The following MED12L variants were observed in gnomAD, a reference collection of about 807,000 sequenced individuals.
MED12L encodes mediator of RNA polymerase II transcription subunit 12-like protein.
A neutral mutation model predicts 281.3 loss-of-function variants in MED12L; 60 were observed. That is an observed-to-expected ratio of 0.21 (90% CI 0.17 to 0.26). The LOEUF is 0.26. Ranked by LOEUF, MED12L falls within the 10% of genes least tolerant of loss-of-function variation. MED12L has a pLI of 1.00. For missense variants in MED12L, 2,146 were observed against 2,680.9 expected (o/e 0.80, Z 4.41); for synonymous variants, 974 against 987.2 (o/e 0.99, Z 0.25).
chr3:151,235,271 C>T (rs1405721865), intron 16 of MED12L, among the ~76,000 whole-genome samples: 1 of 152,178 alleles, frequency 6.6e-6, no homozygotes, highest in Non-Finnish European at 1.5e-5. Context: ...GATTTCTGGA[C>T]CTTTGTAAAC....
chr3:151,188,556 A>G (rs1034497488), intron 13 of MED12L, 76 bp downstream of exon 13: 38 of 1,388,826 alleles, frequency 2.7e-5, no homozygotes, highest in Non-Finnish European at 3.5e-5. Flanking sequence ...TTTTTTAAAA[A>G]TTTAGATCTT....
intron 16 of MED12L, among the ~76,000 whole-genome samples, chr3:151,208,410 C>A (rs949458051): frequency 6.6e-6 from 1 of 152,184 alleles, no homozygotes; most frequent in East Asian, 1.9e-4. Flanking sequence ...ACATTGAGGC[C>A]GGGCGCTCAC....
chr3:151,330,037 A>C (rs576834769), intron 16 of MED12L, among the ~76,000 whole-genome samples: 11 of 152,294 alleles, frequency 7.2e-5, no homozygotes, highest in African/African-American at 2.6e-4. Context: ...GGTGAAGACT[A>C]TTAGATCCAG....
At chr3:151,332,176 A>C (rs1418068894) in intron 16 of MED12L, among the ~76,000 whole-genome samples, 1 of 152,212 alleles carries the variant, frequency 6.6e-6, no homozygotes, top group Non-Finnish European at 1.5e-5. Context: ...ATAGGAATAA[A>C]CTACTATTTC....
intron 30 of MED12L, among the ~76,000 whole-genome samples, chr3:151,377,536 A>G (rs1481595886): frequency 6.6e-6 from 1 of 152,220 alleles, no homozygotes; most frequent in Non-Finnish European, 1.5e-5. Flanking sequence ...TTTGTGCAGA[A>G]TTAGAACCAG....
At chr3:151,133,113 G>A (rs771950440) in intron 5 of MED12L, among the ~76,000 whole-genome samples, 1 of 152,190 alleles carries the variant, frequency 6.6e-6, no homozygotes, top group Non-Finnish European at 1.5e-5. Flanking sequence ...TATGACTTCC[G>A]TTGTCTTGAT....
chr3:151,116,565 T>C, intron 3 of MED12L, 123 bp downstream of exon 3: 1 of 625,136 alleles, frequency 1.6e-6, no homozygotes, highest in Non-Finnish European at 2.8e-6. Context: ...TTCCCCCAAA[T>C]ACCATGTATA....
chr3:151,124,057 G>C (rs1488399173), intron 4 of MED12L, among the ~76,000 whole-genome samples: 1 of 152,144 alleles, frequency 6.6e-6, no homozygotes, highest in African/African-American at 2.4e-5. Flanking sequence ...TCCCACTGTG[G>C]CCTATGAATT....
At position 151,430,640 on chromosome 3, in the gene MED12L, T is replaced by A. The variant is rs564146404; in HGVS notation, c.6490+260T>A. 2.0e-5 allele frequency among the ~76,000 whole-genome samples: 3 copies of A among 149,962 alleles called. No homozygotes were observed. In the South Asian group the frequency reaches 6.5e-4, roughly 32 times the overall value. ...GCTTCCACCAGAATCTAGAAATATTTCTTCTCATTGGGGGGACTCCTATGG... is the reference window on the plus strand; with the variant it reads ...GCTTCCACCAGAATCTAGAAATATTACTTCTCATTGGGGGGACTCCTATGG... On this transcript the variant is annotated intron_variant, in intron 44 of 44. Coordinates refer to ENST00000687756, the MANE Select transcript of MED12L (RefSeq NM_001393769.1).
At chr3:151,260,136 T>C (rs752216827) in intron 16 of MED12L, among the ~76,000 whole-genome samples, 10 of 152,156 alleles carry the variant, frequency 6.6e-5, no homozygotes, top group African/African-American at 1.4e-4. Flanking sequence ...ATCATGAGTG[T>C]GTTTCAGTTG....
At chr3:151,250,936 A>G (rs1355326404) in intron 16 of MED12L, among the ~76,000 whole-genome samples, 2 of 152,024 alleles carry the variant, frequency 1.3e-5, no homozygotes, top group African/African-American at 4.8e-5. Flanking sequence ...CTTGTTTTCC[A>G]TTTGTGTGTT....
chr3:151,123,681 A>T (rs953774451), intron 4 of MED12L, among the ~76,000 whole-genome samples: 1 of 152,168 alleles, frequency 6.6e-6, no homozygotes, highest in Non-Finnish European at 1.5e-5. Flanking sequence ...AAATAATCCC[A>T]GGGGTCTTTT....
At chr3:151,401,506 T>C (rs1388613026) in intron 39 of MED12L, among the ~76,000 whole-genome samples, 5 of 152,206 alleles carry the variant, frequency 3.3e-5, no homozygotes, top group South Asian at 4.1e-4. Flanking sequence ...GGTGAAATGG[T>C]ATTATATTAT....
At chr3:151,334,370 TC>T (rs1750724915) in intron 16 of MED12L, among the ~76,000 whole-genome samples, 1 of 151,626 alleles carries the variant, frequency 6.6e-6, no homozygotes, top group African/African-American at 2.4e-5. Context: ...TGAACAGTGA[TC>T]AGATGTCTTC....
chr3:151,229,473 A>ATTTTTTT (rs59434401), intron 16 of MED12L, among the ~76,000 whole-genome samples: 1 of 90,122 alleles, frequency 1.1e-5, no homozygotes, highest in Non-Finnish European at 2.1e-5. Context: ...TGCCCGGCTA[A>ATTTTTTT]TTTTTTTTTT....
intron 16 of MED12L, chr3:151,329,006 A>G (rs1750033980): frequency 6.3e-7 from 1 of 1,575,288 alleles, no homozygotes; most frequent in Non-Finnish European, 8.6e-7. Context: ...TTCCAGTGTC[A>G]CCTGTTACCA....
chr3:151,228,840 G>T (rs571884100), intron 16 of MED12L, among the ~76,000 whole-genome samples: 1 of 152,300 alleles, frequency 6.6e-6, no homozygotes, highest in South Asian at 2.1e-4. Context: ...TTTCCAGCCT[G>T]TTCTTCTGCA....
At chr3:151,389,286 C>G (rs1713867240) in intron 37 of MED12L, among the ~76,000 whole-genome samples, 1 of 152,200 alleles carries the variant, frequency 6.6e-6, no homozygotes, top group Non-Finnish European at 1.5e-5. Context: ...TCAGTCTGGT[C>G]ATGTCCCCTC....
chr3:151,293,175 A>G (rs772678685), intron 16 of MED12L, among the ~76,000 whole-genome samples: 19 of 152,164 alleles, frequency 1.2e-4, no homozygotes, highest in Admixed American at 4.6e-4. Flanking sequence ...CTTTTCCTCT[A>G]CCTAACAATG....
Sources: allele counts gnomAD v4.1 joint callset (sites outside exome capture counted in the v4.1 genomes callset), GRCh38; gene constraint gnomAD v4.1.1; transcripts MANE v1.5; gene names NCBI Gene and HGNC (gene_info 2026-07-23, HGNC 2026-07-21).